CCDC7: variants seen among roughly 807,000 people sequenced by gnomAD.
The protein encoded by CCDC7 is coiled-coil domain containing 7, also known as coiled-coil domain-containing protein 7.
A neutral mutation model predicts 196.9 loss-of-function variants in CCDC7; 183 were observed. The observed-to-expected ratio is 0.93, with a 90% CI of 0.82 to 1.05. CCDC7 has a LOEUF of 1.05. Ranked by LOEUF, CCDC7 falls within the 50% of genes least tolerant of loss-of-function variation. The pLI is 0.00. For missense variants in CCDC7, 1,540 were observed against 1,482.2 expected (o/e 1.04, Z -0.64); for synonymous variants, 525 against 484.6 (o/e 1.08, Z -1.10).
Position 32,690,862 on chromosome 10 carries a change from G to A in CCDC7, c.2344+1699G>A, listed in dbSNP as rs541602565. On this transcript the variant is annotated intron_variant, in intron 23 of 41. Transcript: ENST00000639629. ...CAACAATACATTTGGTGGGGGAGGGGAATAAAATGGAGTTTTGCAGTTGTC... is the reference window on the plus strand; with the variant it reads ...CAACAATACATTTGGTGGGGGAGGGAAATAAAATGGAGTTTTGCAGTTGTC... Among the ~76,000 whole-genome samples, 35 of 152,276 alleles carry A rather than the reference G, an allele frequency of 2.3e-4. 1 individual carries two copies. Among genetic ancestry groups the A allele is most frequent in the Non-Finnish European group, 4.0e-4 (27 of 68,028 alleles).
intron 13 of CCDC7, among the ~76,000 whole-genome samples, chr10:32,550,934 C>G (rs1222851668): frequency 6.6e-6 from 1 of 151,986 alleles, no homozygotes; most frequent in Non-Finnish European, 1.5e-5. Flanking sequence ...GGGAGGGTTC[C>G]TTCTTTCTCT....
intron 8 of CCDC7, among the ~76,000 whole-genome samples, chr10:32,485,129 G>A (rs992861724): frequency 2.6e-5 from 4 of 152,132 alleles, no homozygotes; most frequent in Non-Finnish European, 5.9e-5. Context: ...ATCTGGTCCT[G>A]GACTTTTTTT....
intron 9 of CCDC7, among the ~76,000 whole-genome samples, chr10:32,499,990 T>C (rs2043631159): frequency 6.6e-6 from 1 of 152,222 alleles, no homozygotes; most frequent in Non-Finnish European, 1.5e-5. Context: ...TGGAGTCTCC[T>C]ATGTCTACTT....
At chr10:32,749,192 A>C (rs2075287308) in intron 28 of CCDC7, among the ~76,000 whole-genome samples, 1 of 152,134 alleles carries the variant, frequency 6.6e-6, no homozygotes, top group East Asian at 1.9e-4. Context: ...AGTATCTAAG[A>C]AGAGTTATTT....
At position 32,702,703 on chromosome 10, in the gene CCDC7, C is replaced by G. The variant is rs1591779918; in HGVS notation, c.2458+7711C>G. The stretch of plus-strand genomic sequence containing the variant: ...GGCTTTCTTTATGAATCTGGGTGCT[C>G]CTGTATTGGGTGCATACATATTTAG... On this transcript the variant is annotated intron_variant, in intron 24 of 41. Transcript: ENST00000639629. 2.0e-5 allele frequency among the ~76,000 whole-genome samples: 3 copies of G among 152,078 alleles called. No individual in the cohort carries two copies. In the East Asian group the frequency reaches 5.8e-4, roughly 29 times the overall value.
chr10:32,853,680 TCTC>T (rs1179542024), intron 40 of CCDC7, among the ~76,000 whole-genome samples: 11 of 152,188 alleles, frequency 7.2e-5, no homozygotes, highest in Non-Finnish European at 1.2e-4. Flanking sequence ...ATTTCTAGTA[TCTC>T]CTCCTTAATT....
intron 3 of CCDC7, among the ~76,000 whole-genome samples, chr10:32,456,982 T>C (rs1395376426): frequency 6.6e-6 from 1 of 151,758 alleles, no homozygotes; most frequent in Non-Finnish European, 1.5e-5. Context: ...GTCAAACACC[T>C]AGCATTTCCT....
chr10:32,817,284 A>G (rs1405076548), intron 31 of CCDC7, among the ~76,000 whole-genome samples: 1 of 152,216 alleles, frequency 6.6e-6, no homozygotes, highest in African/African-American at 2.4e-5. Flanking sequence ...AGAAGTTTAG[A>G]GAAAAAAGAA....
At chr10:32,737,494 A>T (rs1346715182) in intron 28 of CCDC7, among the ~76,000 whole-genome samples, 2 of 152,176 alleles carry the variant, frequency 1.3e-5, no homozygotes, top group African/African-American at 4.8e-5. Flanking sequence ...AAGAATGTGT[A>T]TTCTGCTGTT....
chr10:32,468,590 A>T (rs944823), intron 5 of CCDC7, among the ~76,000 whole-genome samples: 67,860 of 151,944 alleles, frequency 0.45, 15,912 homozygotes, highest in East Asian at 0.58. Context: ...CTTGTCTGAT[A>T]GCTCTGACCA....
At chr10:32,712,555 T>G (rs762436468) in intron 25 of CCDC7, among the ~76,000 whole-genome samples, 4 of 152,238 alleles carry the variant, frequency 2.6e-5, no homozygotes, top group Admixed American at 6.5e-5. Context: ...AAGTTAATGC[T>G]TCTTCCAGGA....
intron 21 of CCDC7, among the ~76,000 whole-genome samples, chr10:32,677,216 G>T (rs1358189778): frequency 7.9e-6 from 1 of 127,182 alleles, no homozygotes; most frequent in Non-Finnish European, 1.6e-5. Context: ...GGACTGTTGT[G>T]GGGTGGGGGG....
At chr10:32,854,611 G>A (rs946813602) in intron 41 of CCDC7, 122 bp downstream of exon 42, 3 of 604,404 alleles carry the variant, frequency 5.0e-6, no homozygotes, top group African/African-American at 1.9e-5. Context: ...TTATGGGTGA[G>A]GCATGGTTTC....
rs1564683190 is a variant in CCDC7 at position 32,568,010 on chromosome 10, T to TG, written c.1419+119_1419+120insG. 2.6e-5 allele frequency: 23 copies of TG among 877,774 alleles called. No homozygotes were observed. The Admixed American group carries it at 7.7e-4, about 29-fold the overall frequency. 54.4% of individuals were successfully genotyped at this position (877,774 alleles called of 1,614,324 possible). A position where few individuals can be genotyped will look rare whatever the true frequency, so the allele number is the denominator to read the frequency against. On this transcript the variant is annotated intron_variant, in intron 15 of 41. Coordinates refer to ENST00000639629, the Ensembl canonical transcript of CCDC7. ...AATTCATGCCTCTGTTTTTGGGTTT[T>TG]TTTTTTTTTTTTTTTGAGATGGAGT...
intron 39 of CCDC7, 138 bp from the exon 41 acceptor site, chr10:32,851,669 T>C (rs1205588504): frequency 3.8e-6 from 3 of 790,296 alleles, no homozygotes; most frequent in Non-Finnish European, 5.8e-6. Context: ...GCAGTCTATG[T>C]ATCCTTTCAG....
In CCDC7 at chr10:32,819,139, A is replaced by G. The variant is rs541816816; in HGVS notation, c.3181+4686A>G. 6.0e-4 allele frequency among the ~76,000 whole-genome samples: 91 copies of G among 152,372 alleles called. 1 individual carries two copies. Among genetic ancestry groups the G allele is most frequent in the African/African-American group, 2.0e-3 (84 of 41,584 alleles). Reference sequence around the variant, plus strand: ...AAAAAATGATAAAGGGGATATCACCATTGATCCCACAGAAATAGAAACTAC... The same window carrying G: ...AAAAAATGATAAAGGGGATATCACCGTTGATCCCACAGAAATAGAAACTAC... On this transcript the variant is annotated intron_variant, in intron 31 of 41. Coordinates refer to ENST00000639629, the Ensembl canonical transcript of CCDC7.
At position 32,849,292 on chromosome 10, in the gene CCDC7, T is replaced by C. The variant is rs145912539; in HGVS notation, c.3895+574T>C. Among the ~76,000 whole-genome samples, 541 of 152,248 alleles carry C rather than the reference T, an allele frequency of 3.6e-3. 3 individuals carry two copies. The highest frequency in any genetic ancestry group is 0.024 in the Middle Eastern group (7 of 294). ...TGATTGTCTTGGCTGGGCTAACTTA[T>C]GCATTTCTGGTCAAATTATCAATTC... is the stretch of plus-strand genomic sequence containing the variant. On this transcript the variant is annotated intron_variant, in intron 39 of 41. Coordinates refer to ENST00000639629, the Ensembl canonical transcript of CCDC7.
chr10:32,798,625 T>G (rs547878380), intron 29 of CCDC7, among the ~76,000 whole-genome samples: 1 of 152,344 alleles, frequency 6.6e-6, no homozygotes, highest in East Asian at 1.9e-4. Flanking sequence ...TCACTCATGC[T>G]TCTTCCAAGA....
intron 13 of CCDC7, among the ~76,000 whole-genome samples, chr10:32,555,048 G>C (rs2054124747): frequency 6.6e-6 from 1 of 152,150 alleles, no homozygotes; most frequent in Non-Finnish European, 1.5e-5. Context: ...TGGCTGAATA[G>C]TACTCCATTA....
Sources: gnomAD v4.1 joint callset for allele counts (sites outside exome capture counted in the v4.1 genomes callset) on GRCh38, gnomAD v4.1.1 for gene constraint, MANE v1.5 for transcripts, NCBI Gene and HGNC (gene_info 2026-07-23, HGNC 2026-07-21) for gene names.